CTNNA2: variants seen among roughly 807,000 people sequenced by gnomAD.
CTNNA2 encodes the protein catenin alpha-2.
In CTNNA2, 42 loss-of-function variants were observed where a neutral mutation model predicts 101.0. The ratio of observed to expected loss-of-function variants is 0.42; its 90% CI spans 0.32 to 0.54. CTNNA2 has a LOEUF of 0.54. Among genes scored for constraint, CTNNA2 ranks in the 20% least tolerant of loss-of-function variants. The pLI, the probability that CTNNA2 is intolerant of heterozygous loss-of-function variation, is 0.14. For synonymous variants in CTNNA2, 450 were observed against 456.4 expected, an observed-to-expected ratio of 0.99 and a Z score of 0.18; for missense variants, 871 against 1,223.1, an observed-to-expected ratio of 0.71 and a Z score of 4.29.
chr2:80,508,889 T>C (rs1688487212), intron 9 of CTNNA2, among the ~76,000 whole-genome samples: 1 of 152,178 alleles, frequency 6.6e-6, no homozygotes, highest in Non-Finnish European at 1.5e-5. Context: ...AGACTAGTGA[T>C]TCAATATGTA....
At chr2:80,207,014 A>T (rs980025533) in intron 7 of CTNNA2, among the ~76,000 whole-genome samples, 1 of 152,142 alleles carries the variant, frequency 6.6e-6, no homozygotes, top group Non-Finnish European at 1.5e-5. Flanking sequence ...TCTGATTCTC[A>T]TTCCATCGTA....
intron 3 of CTNNA2, among the ~76,000 whole-genome samples, chr2:79,332,795 G>T (rs1307405536): frequency 1.3e-5 from 2 of 152,076 alleles, no homozygotes; most frequent in African/African-American, 2.4e-5. Context: ...ATTTCCTTCG[G>T]AATAGTATAG....
chr2:79,969,518 C>T (rs548908261), intron 7 of CTNNA2, among the ~76,000 whole-genome samples: 1 of 152,310 alleles, frequency 6.6e-6, no homozygotes, highest in Non-Finnish European at 1.5e-5. Flanking sequence ...AGGTTTGTTT[C>T]ACCTTCCTTT....
At chr2:79,287,944 C>T (rs572561239) in intron 2 of CTNNA2, among the ~76,000 whole-genome samples, 1 of 152,350 alleles carries the variant, frequency 6.6e-6, no homozygotes, top group South Asian at 2.1e-4. Context: ...GGGATATAAT[C>T]TCCTGATGCG....
intron 2 of CTNNA2, among the ~76,000 whole-genome samples, chr2:79,227,231 C>T (rs1259484074): frequency 3.3e-5 from 5 of 151,958 alleles, no homozygotes; most frequent in African/African-American, 4.8e-5. Flanking sequence ...ACAGGACAAA[C>T]GAGTTTTAAT....
chr2:79,236,182 G>T (rs1037249091), intron 2 of CTNNA2, among the ~76,000 whole-genome samples: 1 of 152,236 alleles, frequency 6.6e-6, no homozygotes, highest in South Asian at 2.1e-4. Flanking sequence ...GTCCAGTCTG[G>T]GGTATAATGG....
rs1697807731 is a variant in CTNNA2 at position 80,604,289 on chromosome 2, G to A, written c.2295+110G>A. The A allele has an allele frequency of 3.8e-6, 3 of 783,588 alleles. No homozygotes were observed. The South Asian group carries it at 4.5e-5, about 12-fold the overall frequency. The allele number at this position is 783,588 out of a possible 1,614,324, so 48.5% of individuals were successfully genotyped here. A position where few individuals can be genotyped will look rare whatever the true frequency, so the allele number is the denominator to read the frequency against. ...TAAAATGCCTCTGAAGAATGAATCA[G>A]AGGGGAGAATCACTGATATTTTACA... On this transcript the variant is annotated intron_variant, in intron 16 of 18. Transcript: ENST00000402739.
intron 7 of CTNNA2, chr2:80,162,491 C>G: frequency 6.2e-7 from 1 of 1,603,066 alleles, no homozygotes; most frequent in South Asian, 1.1e-5. Flanking sequence ...GCTACTGTCT[C>G]TTCTGTTATC....
chr2:79,602,960 T>A (rs1677645735), intron 1 of CTNNA2, among the ~76,000 whole-genome samples: 1 of 152,176 alleles, frequency 6.6e-6, no homozygotes, highest in Non-Finnish European at 1.5e-5. Context: ...AAGACGAATC[T>A]GAAGTTCACA....
At chr2:79,749,346 A>G (rs188125161) in intron 3 of CTNNA2, among the ~76,000 whole-genome samples, 41 of 152,304 alleles carry the variant, frequency 2.7e-4, no homozygotes, top group Admixed American at 9.2e-4. Flanking sequence ...TAGCATTTAT[A>G]TTTAAAAGAA....
intron 7 of CTNNA2, among the ~76,000 whole-genome samples, chr2:80,204,080 A>G (rs1707376162): frequency 1.3e-5 from 2 of 152,308 alleles, no homozygotes; most frequent in Non-Finnish European, 2.9e-5. Flanking sequence ...GACTGCACAC[A>G]GCAGAGGGAC....
chr2:79,605,717 A>G (rs1394985597), intron 1 of CTNNA2, among the ~76,000 whole-genome samples: 1 of 152,106 alleles, frequency 6.6e-6, no homozygotes, highest in Admixed American at 6.6e-5. Flanking sequence ...CAGCTTGGGC[A>G]ACATTGTAAG....
intron 2 of CTNNA2, among the ~76,000 whole-genome samples, chr2:79,236,010 G>A (rs978006246): frequency 1.3e-5 from 2 of 151,976 alleles, no homozygotes; most frequent in African/African-American, 4.8e-5. Flanking sequence ...TGGCTCTGAG[G>A]AGCAGAGATA....
At chr2:80,499,072 G>A (rs550339036) in intron 9 of CTNNA2, among the ~76,000 whole-genome samples, 7 of 152,276 alleles carry the variant, frequency 4.6e-5, no homozygotes, top group South Asian at 2.1e-4. Context: ...TTTCAAGAGC[G>A]TTAGGAAGGG....
chr2:79,713,264 C>T (rs1429566164), intron 2 of CTNNA2, among the ~76,000 whole-genome samples: 1 of 151,982 alleles, frequency 6.6e-6, no homozygotes, highest in Non-Finnish European at 1.5e-5. Context: ...TATCACATTC[C>T]CTTGAATCAT....
intron 1 of CTNNA2, among the ~76,000 whole-genome samples, chr2:79,516,018 G>T (rs1671788968): frequency 6.6e-6 from 1 of 152,204 alleles, no homozygotes; most frequent in Non-Finnish European, 1.5e-5. Flanking sequence ...TCTAGTTGAG[G>T]AGAACAGGCA....
At chr2:79,383,151 C>T (rs955613334) in intron 4 of CTNNA2, among the ~76,000 whole-genome samples, 1 of 152,062 alleles carries the variant, frequency 6.6e-6, no homozygotes, top group Non-Finnish European at 1.5e-5. Context: ...AGACAGAGGT[C>T]CTGGGGATAG....
intron 3 of CTNNA2, among the ~76,000 whole-genome samples, chr2:79,835,097 A>G (rs1465485045): frequency 6.6e-6 from 1 of 152,102 alleles, no homozygotes; most frequent in East Asian, 1.9e-4. Flanking sequence ...GCAATGCTTT[A>G]TTACCCCTTT....
At chr2:79,580,582 A>C (rs1676089885) in intron 1 of CTNNA2, among the ~76,000 whole-genome samples, 1 of 152,174 alleles carries the variant, frequency 6.6e-6, no homozygotes, top group Non-Finnish European at 1.5e-5. Flanking sequence ...AAAGTAACAA[A>C]TTTGCATTGC....
Sources: gnomAD v4.1 joint callset for allele counts (sites outside exome capture counted in the v4.1 genomes callset) on GRCh38, gnomAD v4.1.1 for gene constraint, MANE v1.5 for transcripts, NCBI Gene and HGNC (gene_info 2026-07-23, HGNC 2026-07-21) for gene names.